The following CD1B variants were observed in gnomAD, a reference collection of about 807,000 sequenced individuals.
The protein encoded by CD1B is T-cell surface glycoprotein CD1b.
In CD1B, 43 loss-of-function variants were observed where a neutral mutation model predicts 39.8. The observed-to-expected ratio is 1.08, with a 90% CI of 0.85 to 1.39. The LOEUF (loss-of-function observed/expected upper bound fraction) is 1.39, where lower values mean the gene tolerates loss of function less well. CD1B is among the 40% of genes most tolerant of loss of function. The pLI is 0.00. For missense variants in CD1B, 495 were observed against 403.8 expected (o/e 1.23, Z -1.94); for synonymous variants, 192 against 152.5 (o/e 1.26, Z -1.91).
At chr1:158,317,101 A>G in the CD1B span, among the ~76,000 whole-genome samples, 4 of 152,052 alleles carry the variant, frequency 2.6e-5, no homozygotes, top group East Asian at 7.7e-4. Flanking sequence ...TTCATCAAGG[A>G]TATTGATTGG....
At chr1:158,324,689 G>T (rs1042250368), downstream of CD1B, among the ~76,000 whole-genome samples, 16 of 152,120 alleles carry the variant, frequency 1.1e-4, no homozygotes, top group African/African-American at 3.9e-4. Flanking sequence ...CCCTTAGAAG[G>T]CCTAGAAACT....
downstream of CD1B, among the ~76,000 whole-genome samples, chr1:158,327,663 A>C (rs909869162): frequency 1.3e-5 from 2 of 152,224 alleles, no homozygotes; most frequent in Non-Finnish European, 2.9e-5. Flanking sequence ...GGGAGGAAAA[A>C]CAAAAATAAC....
chr1:158,290,420 T>C, the CD1B span, among the ~76,000 whole-genome samples: 1 of 152,214 alleles, frequency 6.6e-6, no homozygotes, highest in South Asian at 2.1e-4. Context: ...CTCCTTTTTA[T>C]GTTACAAATG....
At chr1:158,331,164 T>C (rs773401638) in intron 1 of CD1B, 102 bp from the exon 2 acceptor site, 28 of 1,276,674 alleles carry the variant, frequency 2.2e-5, no homozygotes, top group Admixed American at 8.9e-5. Context: ...GAACCTAGAG[T>C]CTAAAGAACA....
At chr1:158,307,527 C>T in the CD1B span, among the ~76,000 whole-genome samples, 1 of 152,150 alleles carries the variant, frequency 6.6e-6, no homozygotes, top group Non-Finnish European at 1.5e-5. Context: ...TGGTACCATT[C>T]CTTCTGAAAT....
intron 5 of CD1B, 55 bp from the exon 6 acceptor site, chr1:158,328,312 T>C (rs773598705): frequency 7.9e-6 from 11 of 1,393,050 alleles, no homozygotes; most frequent in African/African-American, 1.4e-5. Context: ...TGTACACCCA[T>C]GCTCATAGTA....
At chr1:158,287,315 C>G in the CD1B span, among the ~76,000 whole-genome samples, 2 of 151,526 alleles carry the variant, frequency 1.3e-5, no homozygotes, top group South Asian at 2.1e-4. Context: ...AGACAGAGAG[C>G]GACAGGGAGA....
chr1:158,291,452 G>A, the CD1B span: 1 of 1,571,652 alleles, frequency 6.4e-7, no homozygotes, highest in Non-Finnish European at 8.7e-7. Context: ...TCTATTTCAG[G>A]GAAATATTCT....
chr1:158,286,000 C>A, the CD1B span, among the ~76,000 whole-genome samples: 10 of 151,996 alleles, frequency 6.6e-5, no homozygotes, highest in South Asian at 1.5e-3. Context: ...GGGAACATGA[C>A]ACTGGAGTTC....
In CD1B at chr1:158,329,904, G is replaced by C; in HGVS notation, c.555C>G (p.Pro185=). 1 of 1,614,088 alleles carries C rather than the reference G, an allele frequency of 6.2e-7. No individual in the cohort carries two copies. The highest frequency in any genetic ancestry group is 8.5e-7 in the Non-Finnish European group (1 of 1,180,006). Residue 185 remains proline (P), a synonymous_variant, in exon 3 of 6, where the codon CCC becomes CCG. Transcript: ENST00000368168. ...TVRILLYETC[P]RYLLGVLNAG... is the part of the protein sequence containing the mutation. ...CATTGAGGACGCCCAAGAGATATCGGGGGCAGGTTTCATAGAGGAGAATTC... is the reference window on the plus strand; with the variant it reads ...CATTGAGGACGCCCAAGAGATATCGCGGGCAGGTTTCATAGAGGAGAATTC...
intron 5 of CD1B, 80 bp downstream of exon 5, chr1:158,328,841 T>C (rs934050145): frequency 8.0e-6 from 8 of 999,756 alleles, no homozygotes; most frequent in Admixed American, 2.5e-5. Context: ...AATTTTTAAA[T>C]AGATAAAATG....
chr1:158,306,187 A>C, the CD1B span, among the ~76,000 whole-genome samples: 2 of 152,176 alleles, frequency 1.3e-5, no homozygotes, highest in South Asian at 4.1e-4. Context: ...GGAAACCCAT[A>C]GCAAGTGCAG....
At chr1:158,286,033 G>A in the CD1B span, among the ~76,000 whole-genome samples, 6 of 152,052 alleles carry the variant, frequency 3.9e-5, no homozygotes, top group Non-Finnish European at 8.8e-5. Context: ...TCTCTCTCTC[G>A]GGGTGCAAAA....
rs544258507 is a variant in CD1B at position 158,330,689 on chromosome 1, G to C, written c.328+107C>G. 211 of 1,105,326 alleles carry C rather than the reference G, an allele frequency of 1.9e-4. No homozygotes were observed. The African/African-American group carries it at 2.5e-3, about 13-fold the overall frequency. 68.5% of individuals were successfully genotyped at this position (1,105,326 alleles called of 1,614,324 possible). A position where few individuals can be genotyped will look rare whatever the true frequency, so the allele number is the denominator to read the frequency against. On this transcript the variant is annotated intron_variant, in intron 2 of 5. Coordinates refer to ENST00000368168, the MANE Select transcript of CD1B (RefSeq NM_001764.3). ...TCAAGAAAAGCATGTGCGTGCATTT[G>C]GGTAAAATAGAAAGGAAGGGAGAAG...
At chr1:158,317,187 AG>A in the CD1B span, among the ~76,000 whole-genome samples, 1 of 151,996 alleles carries the variant, frequency 6.6e-6, no homozygotes, top group East Asian at 1.9e-4. Flanking sequence ...AAAATGAGTT[AG>A]GGAGGATTCC....
At chr1:158,293,646 C>T in the CD1B span, 1 of 1,510,874 alleles carries the variant, frequency 6.6e-7, no homozygotes, top group Non-Finnish European at 9.0e-7. Flanking sequence ...TTCTTGGAAT[C>T]TCCACTTTTT....
At chr1:158,326,123 A>T (rs1652343826), downstream of CD1B, among the ~76,000 whole-genome samples, 1 of 152,122 alleles carries the variant, frequency 6.6e-6, no homozygotes, top group Non-Finnish European at 1.5e-5. Flanking sequence ...GGTGCCCACC[A>T]TCATGCCCGG....
chr1:158,291,284 G>C, the CD1B span: 1 of 1,614,064 alleles, frequency 6.2e-7, no homozygotes, highest in Non-Finnish European at 8.5e-7. Context: ...CTGCATAACT[G>C]GTCCAAGGGC....
chr1:158,291,178 T>A, the CD1B span: 6 of 1,613,962 alleles, frequency 3.7e-6, no homozygotes, highest in East Asian at 1.3e-4. Context: ...GATCTTCTCA[T>A]TTGTCAACCA....
Sources: allele counts gnomAD v4.1 joint callset (sites outside exome capture counted in the v4.1 genomes callset), GRCh38; gene constraint gnomAD v4.1.1; transcripts MANE v1.5; gene names NCBI Gene and HGNC (gene_info 2026-07-23, HGNC 2026-07-21).